NKAIN2: variants seen among roughly 807,000 people sequenced by gnomAD.
NKAIN2 encodes sodium/potassium-transporting ATPase subunit beta-1-interacting protein 2.
NKAIN2 carries 14 observed loss-of-function variants against 32.6 expected under a neutral mutation model. The ratio of observed to expected loss-of-function variants is 0.43; its 90% confidence interval spans 0.28 to 0.67. The LOEUF is 0.67. Among genes scored for constraint, NKAIN2 ranks in the 30% least tolerant of loss-of-function variants. The pLI, the probability that NKAIN2 is intolerant of heterozygous loss-of-function variation, is 0.17. For missense variants in NKAIN2, 198 were observed against 258.3 expected, an observed-to-expected ratio of 0.77 and a Z score of 1.60; for synonymous variants, 80 against 87.2, an observed-to-expected ratio of 0.92 and a Z score of 0.46.
At chr6:123,856,880 A>G (rs1461080918) in intron 1 of NKAIN2, among the ~76,000 whole-genome samples, 7 of 152,200 alleles carry the variant, frequency 4.6e-5, no homozygotes, top group Non-Finnish European at 8.8e-5. Flanking sequence ...TCACATAAAC[A>G]ATAAAAATAA....
chr6:124,591,014 T>C (rs1212073184), intron 3 of NKAIN2, among the ~76,000 whole-genome samples: 2 of 152,222 alleles, frequency 1.3e-5, no homozygotes, highest in Non-Finnish European at 2.9e-5. Context: ...ACTGCAGCCA[T>C]CACCAACAGG....
chr6:124,687,346 TAATA>T (rs1773973341), intron 4 of NKAIN2, among the ~76,000 whole-genome samples: 1 of 134,746 alleles, frequency 7.4e-6, no homozygotes, highest in Non-Finnish European at 1.6e-5. Context: ...CATATACATA[TAATA>T]TATATATTCC....
intron 2 of NKAIN2, among the ~76,000 whole-genome samples, chr6:124,286,545 G>GA (rs1438107759): frequency 4.6e-5 from 7 of 151,852 alleles, no homozygotes; most frequent in Admixed American, 3.3e-4. Context: ...TTTGATAGAA[G>GA]AAAAAATGTT....
At position 124,720,636 on chromosome 6, in the gene NKAIN2, C is replaced by T. The variant is rs1308940311; in HGVS notation, c.474+62250C>T. Among the ~76,000 whole-genome samples the T allele has an allele frequency of 3.9e-5, 6 of 152,234 alleles. No individual in the cohort carries two copies. The South Asian group carries it at 6.2e-4, about 16-fold the overall frequency. ...TCTAATGGTGCTGAAGCATAGAGCC[C>T]TATTTGGATATTCTCTATCTAAAAT... On this transcript the variant is annotated intron_variant, in intron 4 of 6. Coordinates refer to ENST00000368417, the MANE Select transcript of NKAIN2 (RefSeq NM_001040214.3).
At chr6:124,794,230 T>C (rs907534818) in intron 5 of NKAIN2, among the ~76,000 whole-genome samples, 1 of 152,204 alleles carries the variant, frequency 6.6e-6, no homozygotes, top group African/African-American at 2.4e-5. Context: ...AATGCAAGTC[T>C]CCCAAAATAT....
chr6:124,490,257 G>T, intron 3 of NKAIN2: 1 of 367,512 alleles, frequency 2.7e-6, no homozygotes. Flanking sequence ...TTCCCTGTAG[G>T]GTATGTTATC....
intron 1 of NKAIN2, among the ~76,000 whole-genome samples, chr6:123,992,538 G>A (rs1376701371): frequency 3.3e-5 from 5 of 152,038 alleles, no homozygotes; most frequent in Admixed American, 2.6e-4. Context: ...GTAACATAAA[G>A]GAATATACTA....
At chr6:124,219,107 G>A (rs9491090) in intron 1 of NKAIN2, among the ~76,000 whole-genome samples, 5 of 151,888 alleles carry the variant, frequency 3.3e-5, no homozygotes, top group East Asian at 1.9e-4. Context: ...CCCTCAAGAG[G>A]ATTACAATTT....
At chr6:124,302,291 C>T (rs1562480361) in intron 2 of NKAIN2, among the ~76,000 whole-genome samples, 1 of 152,332 alleles carries the variant, frequency 6.6e-6, no homozygotes, top group East Asian at 1.9e-4. Flanking sequence ...ATTACTCACT[C>T]ACAGGTATGT....
chr6:124,284,606 A>G lies in NKAIN2; in HGVS notation c.192+1464A>G, dbSNP rs1795457145. On this transcript the variant is annotated intron_variant, in intron 2 of 6. Coordinates refer to ENST00000368417, the MANE Select transcript of NKAIN2 (RefSeq NM_001040214.3). ...TGTAAATATTTCATCTTTATTTCTG[A>G]TAAAGTTCTTGGGATAAAATCTAGA... 5.9e-5 allele frequency among the ~76,000 whole-genome samples: 9 copies of G among 152,072 alleles called. No individual in the cohort carries two copies. In the South Asian group the frequency reaches 1.9e-3, roughly 31 times the overall value.
intron 1 of NKAIN2, among the ~76,000 whole-genome samples, chr6:124,084,882 T>C (rs1162951057): frequency 6.6e-6 from 1 of 152,032 alleles, no homozygotes; most frequent in African/African-American, 2.4e-5. Context: ...CTTAAAAATT[T>C]GCTAATCTTG....
intron 2 of NKAIN2, among the ~76,000 whole-genome samples, chr6:124,321,346 C>G (rs1797180247): frequency 6.6e-6 from 1 of 152,016 alleles, no homozygotes; most frequent in Non-Finnish European, 1.5e-5. Flanking sequence ...GGAAGAATAC[C>G]ATTAGGAGAA....
At chr6:124,271,969 A>G (rs951267230) in intron 1 of NKAIN2, among the ~76,000 whole-genome samples, 7 of 152,190 alleles carry the variant, frequency 4.6e-5, no homozygotes, top group African/African-American at 1.7e-4. Flanking sequence ...GAAGCATTCA[A>G]GAGGTGACTT....
intron 1 of NKAIN2, among the ~76,000 whole-genome samples, chr6:124,218,879 T>C (rs1039114717): frequency 1.3e-5 from 2 of 152,164 alleles, no homozygotes; most frequent in Non-Finnish European, 1.5e-5. Flanking sequence ...GGGTAATTTA[T>C]GAAGGAAAGA....
chr6:124,264,674 G>A (rs1196815173), intron 1 of NKAIN2, among the ~76,000 whole-genome samples: 1 of 152,130 alleles, frequency 6.6e-6, no homozygotes, highest in East Asian at 1.9e-4. Context: ...ACCCCCAGTG[G>A]GGAAAGGATG....
intron 1 of NKAIN2, among the ~76,000 whole-genome samples, chr6:124,001,173 T>C (rs547581537): frequency 2.1e-4 from 32 of 152,250 alleles, no homozygotes; most frequent in Admixed American, 5.2e-4. Context: ...ATTTTTTTGC[T>C]TTTGGAGTGA....
chr6:124,656,550 G>C (rs572587998), intron 3 of NKAIN2, among the ~76,000 whole-genome samples: 8 of 151,920 alleles, frequency 5.3e-5, no homozygotes, highest in African/African-American at 1.9e-4. Context: ...AAAGTGTCTC[G>C]AGACACTTTT....
chr6:124,150,424 T>C (rs1787651868), intron 1 of NKAIN2, among the ~76,000 whole-genome samples: 1 of 152,124 alleles, frequency 6.6e-6, no homozygotes, highest in Admixed American at 6.6e-5. Flanking sequence ...TATACATGCA[T>C]GTATTATTTT....
intron 1 of NKAIN2, among the ~76,000 whole-genome samples, chr6:123,815,219 A>G (rs982640937): frequency 8.5e-5 from 13 of 152,240 alleles, no homozygotes; most frequent in African/African-American, 2.4e-4. Flanking sequence ...AAGCCATATT[A>G]CTTACTTACT....
Sources: allele counts gnomAD v4.1 joint callset (sites outside exome capture counted in the v4.1 genomes callset), GRCh38; gene constraint gnomAD v4.1.1; transcripts MANE v1.5; gene names NCBI Gene and HGNC (gene_info 2026-07-23, HGNC 2026-07-21).